Variants in NALF1 observed in about 807,000 individuals in gnomAD.
The protein encoded by NALF1 is NALCN channel auxiliary factor 1.
Under a neutral mutation model 48.4 loss-of-function variants are expected in NALF1, and 3 were observed. The observed-to-expected ratio is 0.06, with a 90% confidence interval of 0.03 to 0.16. NALF1 has a LOEUF of 0.16. Ranked by LOEUF, NALF1 falls within the 10% of genes least tolerant of loss-of-function variation. The pLI is 1.00. For synonymous variants in NALF1, 262 were observed against 245.7 expected, an observed-to-expected ratio of 1.07 and a Z score of -0.62; for missense variants, 526 against 571.5, an observed-to-expected ratio of 0.92 and a Z score of 0.81.
chr13:107,518,027 C>A (rs1025352279), intron 1 of NALF1, among the ~76,000 whole-genome samples: 1 of 152,064 alleles, frequency 6.6e-6, no homozygotes. Flanking sequence ...TAGACAAAAA[C>A]AACCCATGAG....
intron 2 of NALF1, among the ~76,000 whole-genome samples, chr13:107,198,261 A>G (rs1879435105): frequency 6.6e-6 from 1 of 152,200 alleles, no homozygotes; most frequent in Admixed American, 6.5e-5. Flanking sequence ...TTAGGTCTAA[A>G]GTCTTCCAAT....
chr13:107,862,005 C>CT (rs1241497865), intron 1 of NALF1, among the ~76,000 whole-genome samples: 1 of 152,080 alleles, frequency 6.6e-6, no homozygotes, highest in East Asian at 1.9e-4. Context: ...ATATAATCTG[C>CT]TTTAATATAA....
chr13:107,808,612 C>A (rs942598277), intron 1 of NALF1, among the ~76,000 whole-genome samples: 1 of 151,128 alleles, frequency 6.6e-6, no homozygotes, highest in African/African-American at 2.4e-5. Flanking sequence ...TCTTTCTTAT[C>A]TGTATTTTCC....
At position 107,492,075 on chromosome 13, in the gene NALF1, C is replaced by G. The variant is rs138713413; in HGVS notation, c.916-281320G>C. ...TTTTTTTTGGTGAGGCAGAGTATCA[C>G]TCTGTCGCCCAGGCTGGAGGACAGT... On this transcript the variant is annotated intron_variant, in intron 1 of 2. Coordinates refer to ENST00000375915, the MANE Select transcript of NALF1 (RefSeq NM_001080396.3). Among the ~76,000 whole-genome samples the G allele has an allele frequency of 4.7e-3, 591 of 125,310 alleles. 9 individuals are homozygous for G. The East Asian group carries it at 0.074, about 16-fold the overall frequency. The allele number at this position is 125,310 out of a possible 152,430, so 82.2% of individuals were successfully genotyped here. A position where few individuals can be genotyped will look rare whatever the true frequency, so the allele number is the denominator to read the frequency against.
chr13:107,422,965 G>A (rs1884217350), intron 1 of NALF1, among the ~76,000 whole-genome samples: 1 of 152,072 alleles, frequency 6.6e-6, no homozygotes, highest in Non-Finnish European at 1.5e-5. Context: ...CGTCCAACAG[G>A]ACTGCAATCC....
intron 1 of NALF1, among the ~76,000 whole-genome samples, chr13:107,227,427 A>C (rs1880129103): frequency 6.6e-6 from 1 of 152,232 alleles, no homozygotes; most frequent in Non-Finnish European, 1.5e-5. Context: ...ATGTGTGGTA[A>C]ACACCAGGTC....
At position 107,228,723 on chromosome 13, in the gene NALF1, G is replaced by T. The variant is rs989263194; in HGVS notation, c.916-17968C>A. ...CAACCTCCGCCTCCCGGGCTCAAGC[G>T]ATTCTCCTGCCTCAGCCTCATGAGT... On this transcript the variant is annotated intron_variant, in intron 1 of 2. Coordinates refer to ENST00000375915, the MANE Select transcript of NALF1 (RefSeq NM_001080396.3). 2.6e-5 allele frequency among the ~76,000 whole-genome samples: 4 copies of T among 152,196 alleles called. 1 individual carries two copies. The South Asian group carries it at 8.3e-4, about 32-fold the overall frequency.
intron 1 of NALF1, among the ~76,000 whole-genome samples, chr13:107,424,528 A>G (rs559799448): frequency 1.1e-4 from 16 of 152,268 alleles, no homozygotes; most frequent in African/African-American, 3.9e-4. Context: ...CCAGCTGCAT[A>G]CCTACCTCTG....
intron 1 of NALF1, among the ~76,000 whole-genome samples, chr13:107,282,493 C>G (rs1442511416): frequency 6.6e-6 from 1 of 152,182 alleles, no homozygotes; most frequent in East Asian, 1.9e-4. Flanking sequence ...ACTAGTGAAT[C>G]TGGCCTCATC....
At chr13:107,660,579 A>G (rs1880711546) in intron 1 of NALF1, among the ~76,000 whole-genome samples, 1 of 152,188 alleles carries the variant, frequency 6.6e-6, no homozygotes, top group South Asian at 2.1e-4. Flanking sequence ...ACTTGTAGAC[A>G]CAGACTTGGC....
rs183685644 is a variant in NALF1 at position 107,760,777 on chromosome 13, T to C, written c.915+104905A>G. On this transcript the variant is annotated intron_variant, in intron 1 of 2. Coordinates refer to ENST00000375915, the MANE Select transcript of NALF1 (RefSeq NM_001080396.3). ...ATGTGTTTTCCTCTGAAATTTGTGC[T>C]CTTCCTTCTTCTATAGCTCCTATCA... Among the ~76,000 whole-genome samples the C allele has an allele frequency of 2.6e-5, 4 of 152,324 alleles. No individual in the cohort carries two copies. In the East Asian group the frequency reaches 7.7e-4, roughly 29 times the overall value.
At chr13:107,552,319 T>C (rs1877316551) in intron 1 of NALF1, among the ~76,000 whole-genome samples, 1 of 152,164 alleles carries the variant, frequency 6.6e-6, no homozygotes, top group South Asian at 2.1e-4. Context: ...ATGCAACATG[T>C]GTCAATAAAT....
At chr13:107,676,612 TTTAA>T (rs1422602406) in intron 1 of NALF1, among the ~76,000 whole-genome samples, 1 of 142,052 alleles carries the variant, frequency 7.0e-6, no homozygotes, top group East Asian at 1.9e-4. Context: ...ATTTAATTAA[TTTAA>T]TTAATTAAAT....
At chr13:107,511,963 T>C (rs1278011251) in intron 1 of NALF1, among the ~76,000 whole-genome samples, 1 of 152,244 alleles carries the variant, frequency 6.6e-6, no homozygotes. Flanking sequence ...TAGCAATGTT[T>C]CTGGCTGTCT....
intron 2 of NALF1, among the ~76,000 whole-genome samples, chr13:107,171,671 G>C (rs944920640): frequency 1.3e-5 from 2 of 152,154 alleles, no homozygotes; most frequent in African/African-American, 4.8e-5. Context: ...TAAAACAACT[G>C]TGTATCTACA....
chr13:107,293,979 A>T (rs762487396), intron 1 of NALF1, among the ~76,000 whole-genome samples: 38 of 152,254 alleles, frequency 2.5e-4, no homozygotes, highest in Non-Finnish European at 4.6e-4. Context: ...GGAGGATTTC[A>T]GCTTGCCTTA....
intron 2 of NALF1, among the ~76,000 whole-genome samples, chr13:107,193,470 C>T (rs1483807723): frequency 1.3e-5 from 2 of 152,166 alleles, no homozygotes; most frequent in Non-Finnish European, 2.9e-5. Context: ...TTCATGTAGG[C>T]ATTGTTGGTC....
intron 1 of NALF1, among the ~76,000 whole-genome samples, chr13:107,347,472 T>G (rs1457983191): frequency 6.6e-6 from 1 of 152,192 alleles, no homozygotes; most frequent in African/African-American, 2.4e-5. Context: ...AAAAGGTACG[T>G]AGAATAGTCC....
chr13:107,262,493 A>C (rs1449268322), intron 1 of NALF1, among the ~76,000 whole-genome samples: 1 of 152,178 alleles, frequency 6.6e-6, no homozygotes, highest in Non-Finnish European at 1.5e-5. Context: ...ACTATACATC[A>C]AACCAAAACA....
Sources: allele counts gnomAD v4.1 joint callset (sites outside exome capture counted in the v4.1 genomes callset), GRCh38; gene constraint gnomAD v4.1.1; transcripts MANE v1.5; gene names NCBI Gene and HGNC (gene_info 2026-07-23, HGNC 2026-07-21).